Variants in CSNK1G3 observed in about 807,000 individuals in gnomAD.
CSNK1G3 encodes casein kinase 1 gamma 3.
CSNK1G3 carries 23 observed loss-of-function variants against 64.3 expected under a neutral mutation model. The observed-to-expected ratio is 0.36, with a 90% CI of 0.26 to 0.51. The LOEUF (loss-of-function observed/expected upper bound fraction) is 0.51, where lower values mean the gene tolerates loss of function less well. Among genes scored for constraint, CSNK1G3 ranks in the 20% least tolerant of loss-of-function variants. The pLI is 0.96. For missense variants in CSNK1G3, 357 were observed against 510.5 expected, an observed-to-expected ratio of 0.70 and a Z score of 2.90; for synonymous variants, 158 against 162.2, an observed-to-expected ratio of 0.97 and a Z score of 0.20.
chr5:123,526,162 C>G (rs910711662), intron 1 of CSNK1G3, among the ~76,000 whole-genome samples: 40 of 152,098 alleles, frequency 2.6e-4, no homozygotes, highest in African/African-American at 9.2e-4. Flanking sequence ...CTCAGCCCCC[C>G]ACATTGCCAG....
rs114274827 is a variant in CSNK1G3, at chr5:123,523,183, C to T, written c.-248+10613C>T. 9.6e-3 allele frequency among the ~76,000 whole-genome samples: 1,459 copies of T among 152,116 alleles called. 29 individuals are homozygous for T. Among genetic ancestry groups the T allele is most frequent in the African/African-American group, 0.033 (1,374 of 41,504 alleles). On this transcript the variant is annotated intron_variant, in intron 1 of 12. Coordinates refer to ENST00000345990, the Ensembl canonical transcript of CSNK1G3. ...TTTTTATACCACTGTTGATGAGGAA[C>T]GGTCTCTGTTTATTCCCGCTCAGTG...
At position 123,610,343 on chromosome 5, in the gene CSNK1G3, G is replaced by A. The variant is rs149728234; in HGVS notation, c.1218-3999G>A. On this transcript the variant is annotated intron_variant, in intron 12 of 12. Transcript: ENST00000345990. ...ACTTTCTGTACACTCATCAACCCAG[G>A]TCAGGAGAAACTAGGTTCTGGAGTC... Among the ~76,000 whole-genome samples the A allele has an allele frequency of 7.0e-3, 1,059 of 152,166 alleles. 11 individuals are homozygous for A. Among genetic ancestry groups the A allele is most frequent in the Middle Eastern group, 0.014 (4 of 294 alleles).
intron 1 of CSNK1G3, among the ~76,000 whole-genome samples, chr5:123,545,076 G>A (rs1410248578): frequency 6.6e-6 from 1 of 152,006 alleles, no homozygotes; most frequent in African/African-American, 2.4e-5. Flanking sequence ...AAAATCTTAT[G>A]TTGACTTACT....
chr5:123,542,849 A>AGTGTGTGTGTGTGTGTGTGTGTGTGTGT (rs66645709), intron 1 of CSNK1G3, among the ~76,000 whole-genome samples: 1 of 134,848 alleles, frequency 7.4e-6, no homozygotes. Context: ...GCCTAGATTT[A>AGTGTGTGTGTGTGTGTGTGTGTGTGTGT]GTGTGTGTGT....
intron 1 of CSNK1G3, among the ~76,000 whole-genome samples, chr5:123,540,386 A>G (rs572390511): frequency 1.3e-5 from 2 of 151,622 alleles, no homozygotes; most frequent in South Asian, 2.1e-4. Context: ...TACTTCCTCA[A>G]CTCTTGTCTG....
chr5:123,516,219 G>A lies in CSNK1G3; in HGVS notation c.-248+3649G>A, dbSNP rs139185663. On this transcript the variant is annotated intron_variant, in intron 1 of 12. Transcript: ENST00000345990. ...GGATCCTGTAGGTGCAGACAGTATG[G>A]TTCTGGTAATTTAAGGCACCTCAGA... 2.2e-4 allele frequency among the ~76,000 whole-genome samples: 33 copies of A among 152,250 alleles called. 1 individual carries two copies. The highest frequency in any genetic ancestry group is 7.7e-4 in the African/African-American group (32 of 41,536).
chr5:123,575,616 C>G (rs1282533753), intron 5 of CSNK1G3, 113 bp from the exon 6 acceptor site: 2 of 662,002 alleles, frequency 3.0e-6, no homozygotes, highest in Non-Finnish European at 5.2e-6. Flanking sequence ...AGGGTTGAAA[C>G]AATTTCTGAT....
intron 10 of CSNK1G3, among the ~76,000 whole-genome samples, chr5:123,596,395 A>C (rs1228525735): frequency 6.6e-6 from 1 of 152,168 alleles, no homozygotes; most frequent in Non-Finnish European, 1.5e-5. Context: ...TTTTGTATGT[A>C]TCTGTATATG....
chr5:123,590,360 C>A, intron 8 of CSNK1G3, 50 bp from the exon 9 acceptor site: 2 of 901,704 alleles, frequency 2.2e-6, no homozygotes, highest in Non-Finnish European at 3.1e-6. Flanking sequence ...AATTTTATTA[C>A]TGAGTATTAA....
At chr5:123,573,952 C>T (rs1379312406) in intron 5 of CSNK1G3, among the ~76,000 whole-genome samples, 1 of 151,232 alleles carries the variant, frequency 6.6e-6, no homozygotes, top group African/African-American at 2.4e-5. Context: ...CGGGTTCAAG[C>T]AATTCTCCTG....
intron 4 of CSNK1G3, among the ~76,000 whole-genome samples, chr5:123,570,406 TGCAG>T: frequency 6.8e-6 from 1 of 146,828 alleles, no homozygotes; most frequent in Non-Finnish European, 1.5e-5. Context: ...CAGGCTGGAG[TGCAG>T]TGGCGCGATC....
chr5:123,527,084 T>C (rs956198836), intron 1 of CSNK1G3, among the ~76,000 whole-genome samples: 5 of 152,144 alleles, frequency 3.3e-5, no homozygotes. Flanking sequence ...ATCACTTTGA[T>C]TTGTTAGCTT....
At chr5:123,546,997 C>T (rs898404293) in intron 2 of CSNK1G3, among the ~76,000 whole-genome samples, 1 of 152,044 alleles carries the variant, frequency 6.6e-6, no homozygotes, top group Non-Finnish European at 1.5e-5. Context: ...GAATTAGATA[C>T]TATGAAATTC....
At chr5:123,568,706 C>G (rs1262826148) in intron 4 of CSNK1G3, among the ~76,000 whole-genome samples, 1 of 152,124 alleles carries the variant, frequency 6.6e-6, no homozygotes, top group Non-Finnish European at 1.5e-5. Context: ...GCTCTTGTCT[C>G]CTTTGTAAAA....
chr5:123,592,321 T>C (rs1792523169), intron 10 of CSNK1G3, among the ~76,000 whole-genome samples: 1 of 151,904 alleles, frequency 6.6e-6, no homozygotes, highest in South Asian at 2.1e-4. Flanking sequence ...TAGGTAGAGA[T>C]GGATTAGAGA....
intron 12 of CSNK1G3, 89 bp downstream of exon 13, chr5:123,605,451 C>T (rs150445588): frequency 3.6e-5 from 48 of 1,323,064 alleles, no homozygotes; most frequent in Admixed American, 5.6e-5. Flanking sequence ...GAAAACAAAA[C>T]TCTCAACACA....
intron 12 of CSNK1G3, among the ~76,000 whole-genome samples, chr5:123,609,613 A>G (rs139565057): frequency 1.2e-3 from 179 of 152,336 alleles, no homozygotes; most frequent in African/African-American, 4.2e-3. Flanking sequence ...CAGAGACTGT[A>G]TAACTCTTTT....
chr5:123,593,984 C>T (rs998476573), intron 10 of CSNK1G3, among the ~76,000 whole-genome samples: 10 of 151,994 alleles, frequency 6.6e-5, no homozygotes, highest in African/African-American at 2.2e-4. Flanking sequence ...ATTTAATTTT[C>T]GTAAGGAGCT....
chr5:123,569,953 C>CT (rs1200649907), intron 4 of CSNK1G3, among the ~76,000 whole-genome samples: 2 of 152,124 alleles, frequency 1.3e-5, no homozygotes, highest in Non-Finnish European at 2.9e-5. Context: ...TCTTAGCACC[C>CT]TTTAAGATAA....
Sources: allele counts gnomAD v4.1 joint callset (sites outside exome capture counted in the v4.1 genomes callset), GRCh38; gene constraint gnomAD v4.1.1; transcripts MANE v1.5; gene names NCBI Gene and HGNC (gene_info 2026-07-23, HGNC 2026-07-21).